TMEM131: variants seen among roughly 807,000 people sequenced by gnomAD.
TMEM131 encodes transmembrane protein 131, also known as 2610524E03Rik.
In TMEM131, 66 loss-of-function variants were observed where a neutral mutation model predicts 211.6. The ratio of observed to expected loss-of-function variants is 0.31; its 90% confidence interval spans 0.26 to 0.38. TMEM131 has a LOEUF of 0.38. TMEM131 is among the 10% of genes least tolerant of loss of function. TMEM131 has a pLI of 1.00. For missense variants in TMEM131, 2,036 were observed against 2,299.3 expected, an observed-to-expected ratio of 0.89 and a Z score of 2.34; for synonymous variants, 844 against 841.3, an observed-to-expected ratio of 1.00 and a Z score of -0.06.
intron 3 of TMEM131, among the ~76,000 whole-genome samples, chr2:97,895,088 T>A (rs534605397): frequency 6.6e-6 from 1 of 152,356 alleles, no homozygotes; most frequent in East Asian, 1.9e-4. Flanking sequence ...GAAGGGGTGT[T>A]GAATTTTGTC....
intron 1 of TMEM131, among the ~76,000 whole-genome samples, chr2:97,952,181 A>G (rs1232777194): frequency 1.3e-5 from 2 of 151,904 alleles, no homozygotes; most frequent in Non-Finnish European, 2.9e-5. Flanking sequence ...AGAATTGTTC[A>G]GTCTGAACAG....
chr2:97,768,763 G>T (rs1202592659), intron 33 of TMEM131, among the ~76,000 whole-genome samples: 2 of 151,792 alleles, frequency 1.3e-5, no homozygotes, highest in Non-Finnish European at 2.9e-5. Flanking sequence ...GTTAATTTTT[G>T]TATTTTTAAC....
intron 4 of TMEM131, among the ~76,000 whole-genome samples, chr2:97,887,544 G>A (rs1448131165): frequency 6.6e-6 from 1 of 152,080 alleles, no homozygotes; most frequent in Non-Finnish European, 1.5e-5. Context: ...TCTCCTGCTT[G>A]GGGGAGGGTG....
At chr2:97,991,234 G>GA (rs1187946889) in intron 1 of TMEM131, among the ~76,000 whole-genome samples, 1 of 152,084 alleles carries the variant, frequency 6.6e-6, no homozygotes, top group African/African-American at 2.4e-5. Context: ...TGACACCCCT[G>GA]AAATCATTTA....
At chr2:97,758,101 C>T (rs559188685) in intron 40 of TMEM131, among the ~76,000 whole-genome samples, 57 of 149,522 alleles carry the variant, frequency 3.8e-4, no homozygotes, top group African/African-American at 1.4e-3. Flanking sequence ...CACTGCACTC[C>T]AGCCTGGGCT....
At chr2:97,964,995 C>T (rs977692335) in intron 1 of TMEM131, among the ~76,000 whole-genome samples, 9 of 152,310 alleles carry the variant, frequency 5.9e-5, no homozygotes, top group East Asian at 1.9e-4. Flanking sequence ...GAGCCATGGG[C>T]GGCCTCTGAG....
intron 5 of TMEM131, among the ~76,000 whole-genome samples, chr2:97,854,179 T>C (rs1199805638): frequency 1.3e-5 from 2 of 152,188 alleles, no homozygotes; most frequent in East Asian, 1.9e-4. Flanking sequence ...CTGTCAACAT[T>C]GAGGGAAGGC....
intron 31 of TMEM131, among the ~76,000 whole-genome samples, chr2:97,777,463 T>C (rs1179348450): frequency 2.0e-5 from 3 of 152,302 alleles, no homozygotes; most frequent in South Asian, 2.1e-4. Context: ...GAGCTAAGAA[T>C]GATTTTTACA....
intron 2 of TMEM131, among the ~76,000 whole-genome samples, chr2:97,922,564 C>A (rs1206040332): frequency 6.6e-6 from 1 of 151,752 alleles, no homozygotes; most frequent in Non-Finnish European, 1.5e-5. Context: ...CAGTTACACT[C>A]AACACATAAT....
intron 3 of TMEM131, among the ~76,000 whole-genome samples, chr2:97,894,797 A>G (rs963866401): frequency 5.9e-5 from 9 of 152,172 alleles, no homozygotes; most frequent in Non-Finnish European, 1.3e-4. Context: ...TTGTAAATAT[A>G]CCATCATTTC....
At chr2:97,907,475 C>T (rs1676121510) in intron 3 of TMEM131, among the ~76,000 whole-genome samples, 1 of 152,086 alleles carries the variant, frequency 6.6e-6, no homozygotes, top group Non-Finnish European at 1.5e-5. Context: ...GTCTGCATTT[C>T]GCTAGTCTGG....
chr2:97,810,021 AAAC>A (rs1237825372), intron 18 of TMEM131, among the ~76,000 whole-genome samples: 4 of 152,210 alleles, frequency 2.6e-5, no homozygotes, highest in South Asian at 2.1e-4. Context: ...AAAAAAGACT[AAAC>A]AACGGGGAAG....
chr2:97,759,185 C>G, intron 39 of TMEM131, 132 bp from the exon 40 acceptor site: 1 of 1,140,968 alleles, frequency 8.8e-7, no homozygotes, highest in South Asian at 1.4e-5. Flanking sequence ...ACCAGCCCAC[C>G]ACAGCCCAGA....
chr2:97,818,471 G>C (rs1323580376), intron 12 of TMEM131, 142 bp downstream of exon 12: 2 of 111,230 alleles, frequency 1.8e-5, no homozygotes, highest in East Asian at 5.9e-5. Flanking sequence ...AGCGGGGGGG[G>C]GCGGGGGGGG....
Position 97,834,639 on chromosome 2 carries a change from C to A in TMEM131, c.994G>T (p.Gly332Cys). Residue 332 changes from glycine (G) to cysteine (C), a missense_variant, in exon 10 of 41, where the codon GGT becomes TGT. Gly to Cys is a radical substitution (Grantham distance 159). Transcript: ENST00000186436. The stretch of plus-strand genomic sequence containing the variant: ...TTTTTACCTTGTGTTCTTAGTGTAC[C>A]AAAATCTAACATTTCAGTTGAGGAA... ...IYSSTEMLDF[G>C]TLRTQDLPKV... 1 of 1,560,148 alleles carries A rather than the reference C, an allele frequency of 6.4e-7. No homozygotes were observed.
At chr2:97,844,896 T>C (rs140085031) in intron 5 of TMEM131, among the ~76,000 whole-genome samples, 9 of 152,254 alleles carry the variant, frequency 5.9e-5, no homozygotes, top group Non-Finnish European at 1.3e-4. Context: ...TTAAAGTGCA[T>C]TTTAATATGT....
intron 31 of TMEM131, among the ~76,000 whole-genome samples, chr2:97,778,287 A>G (rs1679828612): frequency 6.6e-6 from 1 of 152,260 alleles, no homozygotes; most frequent in South Asian, 2.1e-4. Context: ...AATTCGGCTC[A>G]GGCCTGTAAT....
chr2:97,803,908 G>A (rs1229367202), intron 22 of TMEM131, among the ~76,000 whole-genome samples: 1 of 152,214 alleles, frequency 6.6e-6, no homozygotes, highest in Non-Finnish European at 1.5e-5. Flanking sequence ...AGGGTACAAA[G>A]GAGAGTTTTA....
intron 38 of TMEM131, chr2:97,760,315 A>G (rs1678757969): frequency 2.1e-6 from 1 of 476,496 alleles, no homozygotes; most frequent in East Asian, 3.9e-5. Context: ...AGACCAGGAG[A>G]TGGAGGAGAG....
Sources: gnomAD v4.1 joint callset for allele counts (sites outside exome capture counted in the v4.1 genomes callset) on GRCh38, gnomAD v4.1.1 for gene constraint, MANE v1.5 for transcripts, NCBI Gene and HGNC (gene_info 2026-07-23, HGNC 2026-07-21) for gene names.